The following DPH7 variants were observed in gnomAD, a reference collection of about 807,000 sequenced individuals.
DPH7 encodes the protein diphthamide biosynthesis 7.
DPH7 carries 44 observed loss-of-function variants against 41.7 expected under a neutral mutation model. The ratio of observed to expected loss-of-function variants is 1.05; its 90% CI spans 0.83 to 1.36. DPH7 has a LOEUF of 1.36. Among genes scored for constraint, DPH7 ranks in the 40% most tolerant of loss-of-function variants. The pLI is 0.00. For missense variants in DPH7, 629 were observed against 577.5 expected, an observed-to-expected ratio of 1.09 and a Z score of -0.91; for synonymous variants, 275 against 238.0, an observed-to-expected ratio of 1.16 and a Z score of -1.43.
chr9:137,559,270 T>C (rs527720169), intron 8 of DPH7, among the ~76,000 whole-genome samples: 28 of 150,508 alleles, frequency 1.9e-4, no homozygotes, highest in East Asian at 9.8e-4. Context: ...CTGTTATGCC[T>C]GGACAGGGCC....
chr9:137,577,737 T>A, intron 1 of DPH7, 134 bp from the exon 2 acceptor site: 1 of 1,200,208 alleles, frequency 8.3e-7, no homozygotes, highest in Non-Finnish European at 1.2e-6. Context: ...GGAGAACCTC[T>A]GGTTTTCTGA....
At position 137,554,756 on chromosome 9, in the gene DPH7, T is replaced by C. The variant is rs1837177771; in HGVS notation, c.*483A>G. 3 of 153,380 alleles carry C rather than the reference T, an allele frequency of 2.0e-5. No individual in the cohort carries two copies. Among genetic ancestry groups the C allele is most frequent in the Admixed American group, 2.0e-4 (3 of 15,350 alleles). The allele number at this position is 153,380 out of a possible 1,614,324, so 9.5% of individuals were successfully genotyped here. On this transcript the variant is annotated 3_prime_UTR_variant, in exon 9 of 9. Coordinates refer to ENST00000277540, the MANE Select transcript of DPH7 (RefSeq NM_138778.5). ...TGTGCTCAGTAGTTTTAATAATATA[T>C]GCAACCCGTCACATGAGTTCAGCTG...
Position 137,555,285 on chromosome 9 carries a change from G to A in DPH7, c.1313C>T (p.Ser438Phe), listed in dbSNP as rs375695662. ...GAGGTGGAGCGCATGGTCATAGAAGGAGCAGGTGGCCAGGAGGCTGAAGGC... is the reference window on the plus strand; with the variant it reads ...GAGGTGGAGCGCATGGTCATAGAAGAAGCAGGTGGCCAGGAGGCTGAAGGC... ...DSAFSLLATC[S>F]FYDHALHLWE... The change falls in exon 9 of 9, where the codon TCC becomes TTC. Residue 438 changes from serine (S) to phenylalanine (F), a missense_variant. Physicochemically the swap from Ser to Phe is radical, Grantham distance 155. Transcript: ENST00000277540. 1.1e-4 allele frequency: 173 copies of A among 1,613,598 alleles called. No individual in the cohort carries two copies. Among genetic ancestry groups the A allele is most frequent in the Middle Eastern group, 8.2e-4 (5 of 6,080 alleles).
Position 137,556,936 on chromosome 9 carries a change from T to C in DPH7, c.950-1288A>G, listed in dbSNP as rs1035258626. Reference sequence around the variant, plus strand: ...CCCAAGAATGGGAGGCCCTTTCTGATTAGCCACAGGCCAACGTTTCCTCCC... The same window carrying C: ...CCCAAGAATGGGAGGCCCTTTCTGACTAGCCACAGGCCAACGTTTCCTCCC... On this transcript the variant is annotated intron_variant, in intron 8 of 8. Coordinates refer to ENST00000277540, the MANE Select transcript of DPH7 (RefSeq NM_138778.5). The surrounding 1 kb of genome is among the most constrained non-coding windows in gnomAD (Gnocchi z 5.2). The C allele has an allele frequency of 2.2e-6, 1 of 455,826 alleles. No individual in the cohort carries two copies. Among genetic ancestry groups the C allele is most frequent in the Non-Finnish European group, 4.4e-6 (1 of 226,700 alleles). 28.2% of individuals were successfully genotyped at this position (455,826 alleles called of 1,614,324 possible).
intron 5 of DPH7, among the ~76,000 whole-genome samples, chr9:137,570,898 CT>C (rs1840314398): frequency 6.6e-6 from 1 of 152,206 alleles, no homozygotes; most frequent in South Asian, 2.1e-4. Flanking sequence ...CTCATTGCCC[CT>C]GACAGGCCAT....
At chr9:137,558,833 C>A (rs1837987719) in intron 8 of DPH7, among the ~76,000 whole-genome samples, 2 of 152,164 alleles carry the variant, frequency 1.3e-5, no homozygotes, top group African/African-American at 4.8e-5. Context: ...CTCCCAGGTT[C>A]AACCGATTCT....
chr9:137,557,303 C>T (rs955088773), intron 8 of DPH7, among the ~76,000 whole-genome samples: 6 of 152,074 alleles, frequency 3.9e-5, no homozygotes, highest in Admixed American at 6.6e-5. Flanking sequence ...GTCAAGAGAT[C>T]GAGACCATCC....
At chr9:137,564,308 G>A (rs1839154917) in intron 8 of DPH7, 126 bp downstream of exon 8, 3 of 1,251,838 alleles carry the variant, frequency 2.4e-6, no homozygotes, top group Admixed American at 5.5e-5. Context: ...CTGGGAGTGT[G>A]TAAAAGCTGA....
intron 3 of DPH7, 130 bp downstream of exon 3, chr9:137,575,950 A>G (rs1399261221): frequency 6.7e-7 from 1 of 1,503,150 alleles, no homozygotes. Flanking sequence ...ACATTATCTT[A>G]GAACGTTTAT....
chr9:137,559,455 C>G (rs1213094903), intron 8 of DPH7, among the ~76,000 whole-genome samples: 1 of 152,186 alleles, frequency 6.6e-6, no homozygotes, highest in East Asian at 1.9e-4. Context: ...TCTGCTCCTC[C>G]ACCTCTTGTG....
At chr9:137,577,372 AGAT>A in intron 2 of DPH7, 95 bp downstream of exon 2, 1 of 1,235,110 alleles carries the variant, frequency 8.1e-7, no homozygotes, top group Non-Finnish European at 1.2e-6. Flanking sequence ...TCCAAAGTTG[AGAT>A]GCAATGCCTG....
rs76795696 is a variant in DPH7, at chr9:137,558,259, G to A, written c.950-2611C>T. 1.3e-3 allele frequency among the ~76,000 whole-genome samples: 203 copies of A among 152,344 alleles called. 6 individuals carry two copies. In the East Asian group the frequency reaches 0.036, roughly 27 times the overall value. ...CTTTAAGAACTGAAGGCTGGATGCA[G>A]TGGCTCAAGCCTGTAATCCCGACAC... On this transcript the variant is annotated intron_variant, in intron 8 of 8. Coordinates refer to ENST00000277540, the MANE Select transcript of DPH7 (RefSeq NM_138778.5).
At chr9:137,570,220 G>A (rs969543712) in intron 5 of DPH7, among the ~76,000 whole-genome samples, 3 of 146,638 alleles carry the variant, frequency 2.0e-5, no homozygotes, top group African/African-American at 5.0e-5. Flanking sequence ...CAGTGAACAT[G>A]ACCTACAGTT....
chr9:137,560,496 A>C (rs535352302), intron 8 of DPH7, among the ~76,000 whole-genome samples: 1 of 150,822 alleles, frequency 6.6e-6, no homozygotes, highest in African/African-American at 2.4e-5. Flanking sequence ...CGAGGCAGGC[A>C]GATCACAAAG....
intron 5 of DPH7, among the ~76,000 whole-genome samples, chr9:137,573,360 C>CAAAAAA (rs34523698): frequency 1.8e-3 from 73 of 40,240 alleles, no homozygotes; most frequent in African/African-American, 2.1e-3. Flanking sequence ...GACTCCATCT[C>CAAAAAA]AAAAAAAAAA....
rs145893287 is a variant in DPH7 at position 137,564,168 on chromosome 9, GTCAGAGGTC to G, written c.949+257_949+265del. On this transcript the variant is annotated intron_variant, in intron 8 of 8. Coordinates refer to ENST00000277540, the MANE Select transcript of DPH7 (RefSeq NM_138778.5). The stretch of plus-strand genomic sequence containing the variant: ...CCTCCAGACTAGAGGTCCCAGTGGG[GTCAGAGGTC>G]TGCCGAAATGCAGGAGGCACCGGAA... Among the ~76,000 whole-genome samples, 1,491 of 152,328 alleles carry G rather than the reference GTCAGAGGTC, an allele frequency of 9.8e-3. 12 individuals are homozygous for G. The highest frequency in any genetic ancestry group is 0.015 in the Non-Finnish European group (1,008 of 68,032).
intron 3 of DPH7, chr9:137,575,389 G>A: frequency 1.0e-6 from 1 of 988,328 alleles, no homozygotes; most frequent in South Asian, 4.6e-5. Context: ...GCAGGCTGCT[G>A]TACCAAAGCC....
chr9:137,556,560 C>T lies in DPH7; in HGVS notation c.950-912G>A, dbSNP rs2282465. The T allele has an allele frequency of 0.22, 68,677 of 315,024 alleles. 8,164 individuals are homozygous for T. The highest frequency in any genetic ancestry group is 0.36 in the Admixed American group (8,506 of 23,580). 19.5% of individuals were successfully genotyped at this position (315,024 alleles called of 1,614,324 possible). A position where few individuals can be genotyped will look rare whatever the true frequency, so the allele number is the denominator to read the frequency against. ...GTGCCGAGGTTGTATGGGCCTGGGC[C>T]GGGGAGGCCCAACCCTGGGCCCAGG... is the stretch of plus-strand genomic sequence containing the variant. On this transcript the variant is annotated intron_variant, in intron 8 of 8. Coordinates refer to ENST00000277540, the MANE Select transcript of DPH7 (RefSeq NM_138778.5). The surrounding 1 kb of genome is among the most constrained non-coding windows in gnomAD (Gnocchi z 5.2).
In DPH7 at chr9:137,554,539, A is replaced by G. The variant is rs1807172589; in HGVS notation, c.*700T>C. Among the ~76,000 whole-genome samples the G allele has an allele frequency of 6.6e-6, 1 of 152,150 alleles. No individual in the cohort carries two copies. The highest frequency in any genetic ancestry group is 1.5e-5 in the Non-Finnish European group (1 of 68,028). Reference sequence around the variant, plus strand: ...TTGCAGCCTCGACCTCCTGGGCTCAACAATCCTCCTGCCTCAGCCTCCCAA... The same window carrying G: ...TTGCAGCCTCGACCTCCTGGGCTCAGCAATCCTCCTGCCTCAGCCTCCCAA... On this transcript the variant is annotated 3_prime_UTR_variant, in exon 9 of 9. Coordinates refer to ENST00000277540, the MANE Select transcript of DPH7 (RefSeq NM_138778.5).
Sources: gnomAD v4.1 joint callset for allele counts (sites outside exome capture counted in the v4.1 genomes callset) on GRCh38, gnomAD v4.1.1 for gene constraint, Gnocchi (gnomAD v3.1) non-coding constraint, MANE v1.5 for transcripts, NCBI Gene and HGNC (gene_info 2026-07-23, HGNC 2026-07-21) for gene names.